Variants in CAPN13 observed in about 807,000 individuals in gnomAD.
The protein encoded by CAPN13 is calpain-13.
A neutral mutation model predicts 98.4 loss-of-function variants in CAPN13; 90 were observed. The ratio of observed to expected loss-of-function variants is 0.92; its 90% CI spans 0.77 to 1.09. The LOEUF is 1.09. Ranked by LOEUF, CAPN13 falls within the 50% of genes least tolerant of loss-of-function variation. The pLI is 0.00. For missense variants in CAPN13, 887 were observed against 841.3 expected, an observed-to-expected ratio of 1.05 and a Z score of -0.67; for synonymous variants, 330 against 305.5, an observed-to-expected ratio of 1.08 and a Z score of -0.84.
intron 1 of CAPN13, among the ~76,000 whole-genome samples, chr2:30,805,097 T>C (rs1675533638): frequency 1.3e-5 from 2 of 152,094 alleles, no homozygotes; most frequent in African/African-American, 2.4e-5. Context: ...AGCAATTAGA[T>C]CTAGTTTTCC....
At chr2:30,727,568 T>G (rs1470578446) in intron 22 of CAPN13, among the ~76,000 whole-genome samples, 1 of 152,116 alleles carries the variant, frequency 6.6e-6, no homozygotes, top group African/African-American at 2.4e-5. Flanking sequence ...ATGCTCAAAA[T>G]CATTAGTCAT....
At chr2:30,743,149 G>T in intron 13 of CAPN13, 1 of 554,244 alleles carries the variant, frequency 1.8e-6, no homozygotes, top group South Asian at 2.3e-5. Flanking sequence ...GTCCTCCCGT[G>T]CCACTTTGCA....
chr2:30,800,814 G>C (rs75223989), intron 1 of CAPN13, among the ~76,000 whole-genome samples: 11 of 152,112 alleles, frequency 7.2e-5, no homozygotes, highest in African/African-American at 2.4e-4. Context: ...CATTTGATAG[G>C]TGTCATTCAA....
At chr2:30,753,307 G>T in intron 9 of CAPN13, 109 bp from the exon 10 acceptor site, 1 of 1,125,748 alleles carries the variant, frequency 8.9e-7, no homozygotes, top group East Asian at 2.4e-5. Context: ...GCCAGTGTCT[G>T]ATCCTGGCTC....
In CAPN13 at chr2:30,803,283, G is replaced by A. The variant is rs151114381; in HGVS notation, c.-33+4019C>T. On this transcript the variant is annotated intron_variant, in intron 1 of 22. Transcript: ENST00000295055. ...CTTTGAGAACCAGTGGTCTCTAGTG[G>A]GCCACTGGGTGCATCTCCCGAAGGC... is the stretch of plus-strand genomic sequence containing the variant. Among the ~76,000 whole-genome samples, 4 of 152,292 alleles carry A rather than the reference G, an allele frequency of 2.6e-5. No individual in the cohort carries two copies. In the East Asian group the frequency reaches 7.7e-4, roughly 29 times the overall value.
At position 30,777,639 on chromosome 2, in the gene CAPN13, C is replaced by T; in HGVS notation, c.199G>A (p.Asp67Asn). The change falls in exon 3 of 23, where the codon GAT (aspartate) becomes AAT (asparagine). Residue 67 changes from aspartate to asparagine, a missense_variant and splice_region_variant. Coordinates refer to ENST00000295055, the MANE Select transcript of CAPN13 (RefSeq NM_144575.3). ...LSNVIWKRPQDLPGGPPHFIL... is the reference protein window; with the variant it reads ...LSNVIWKRPQNLPGGPPHFIL... ...AAGTGAGGAGGACCCCCTGGTAGAT[C>T]CTTTAGGAAAGAGGGAGAAAAGCTA... 6.4e-7 allele frequency: 1 copy of T among 1,569,460 alleles called. No homozygotes were observed. Among genetic ancestry groups the T allele is most frequent in the Non-Finnish European group, 8.7e-7 (1 of 1,155,274 alleles).
intron 18 of CAPN13, 142 bp downstream of exon 18, chr2:30,736,361 C>T: frequency 1.3e-6 from 1 of 778,138 alleles, no homozygotes; most frequent in East Asian, 2.7e-5. Flanking sequence ...TCTCCCCAAA[C>T]AACATGTGAG....
intron 7 of CAPN13, among the ~76,000 whole-genome samples, chr2:30,758,817 C>CT (rs1558314787): frequency 1.1e-5 from 1 of 90,930 alleles, no homozygotes; most frequent in African/African-American, 5.1e-5. Context: ...CCTTCCCTTC[C>CT]TCCCTTCCTT....
chr2:30,733,001 C>A (rs1470595672), intron 19 of CAPN13, among the ~76,000 whole-genome samples: 1 of 152,314 alleles, frequency 6.6e-6, no homozygotes, highest in Non-Finnish European at 1.5e-5. Context: ...GAAGGAGATG[C>A]AGTCCTAAGT....
chr2:30,783,581 A>G (rs1358490652), intron 2 of CAPN13, among the ~76,000 whole-genome samples: 1 of 152,030 alleles, frequency 6.6e-6, no homozygotes, highest in African/African-American at 2.4e-5. Flanking sequence ...ATGACACAAA[A>G]CTTTTCTGCA....
At chr2:30,750,975 GCCTCTTTGGGCTTTAT>G (rs1672145791) in intron 11 of CAPN13, 112 bp downstream of exon 11, 1 of 1,041,716 alleles carries the variant, frequency 9.6e-7, no homozygotes, top group Non-Finnish European at 1.4e-6. Flanking sequence ...GAATGCTACA[GCCTCTTTGGGCTTTAT>G]CTCCAAGGCT....
intron 22 of CAPN13, among the ~76,000 whole-genome samples, chr2:30,725,605 C>T (rs1215083142): frequency 6.6e-6 from 1 of 152,174 alleles, no homozygotes; most frequent in Non-Finnish European, 1.5e-5. Flanking sequence ...TAACTCAGGA[C>T]AAAGACTTTG....
intron 7 of CAPN13, among the ~76,000 whole-genome samples, chr2:30,762,523 C>G (rs1672899268): frequency 6.6e-6 from 1 of 152,118 alleles, no homozygotes; most frequent in Non-Finnish European, 1.5e-5. Flanking sequence ...GTATGAGTGT[C>G]TCCTGGCCTC....
intron 5 of CAPN13, among the ~76,000 whole-genome samples, chr2:30,770,093 G>C (rs1260722277): frequency 6.6e-6 from 1 of 152,142 alleles, no homozygotes; most frequent in Non-Finnish European, 1.5e-5. Context: ...ATCATTGTCA[G>C]TGCATATCTC....
Position 30,787,613 on chromosome 2 carries a change from T to C in CAPN13, c.-32-256A>G, listed in dbSNP as rs191397449. 3.8e-4 allele frequency among the ~76,000 whole-genome samples: 58 copies of C among 152,328 alleles called. 1 individual carries two copies. The highest frequency in any genetic ancestry group is 1.4e-3 in the African/African-American group (57 of 41,576). ...TGCACAAGAGGCTATGGGGTACTAGTACATCTCATGAACATTTATTGAGCA... is the reference window on the plus strand; with the variant it reads ...TGCACAAGAGGCTATGGGGTACTAGCACATCTCATGAACATTTATTGAGCA... On this transcript the variant is annotated intron_variant, in intron 1 of 22. Coordinates refer to ENST00000295055, the MANE Select transcript of CAPN13 (RefSeq NM_144575.3).
rs779311680 is a variant in CAPN13, at chr2:30,753,701, T to C, written c.942-503A>G. Among the ~76,000 whole-genome samples the C allele has an allele frequency of 6.6e-5, 10 of 152,348 alleles. No homozygotes were observed. In the Middle Eastern group the frequency reaches 0.017, roughly 259 times the overall value. On this transcript the variant is annotated intron_variant, in intron 9 of 22. Coordinates refer to ENST00000295055, the MANE Select transcript of CAPN13 (RefSeq NM_144575.3). The stretch of plus-strand genomic sequence containing the variant: ...TATTTGTCCCTCTGATTCTTAATTA[T>C]TTAGATCCATGCTCCTTTCCACACA...
chr2:30,751,123 G>A lies in CAPN13; in HGVS notation c.1216C>T (p.Leu406Phe). 1.2e-6 allele frequency: 2 copies of A among 1,613,782 alleles called. No individual in the cohort carries two copies. The highest frequency in any genetic ancestry group is 1.7e-6 in the Non-Finnish European group (2 of 1,179,792). The change falls in exon 11 of 23, where the codon CTC (leucine) becomes TTC (phenylalanine). Residue 406 changes from leucine (L) to phenylalanine (F), a missense_variant. Transcript: ENST00000295055. ...CTTACCAGAATCACTTGGAAATCGA[G>A]TGGAAATTTTGCATCTTCTGCTTTC... ...NLKAEDAKFP[L>F]DFQVILAGSQ...
chr2:30,734,337 G>C (rs1490822570), intron 19 of CAPN13, 112 bp downstream of exon 19: 5 of 786,376 alleles, frequency 6.4e-6, no homozygotes, highest in Non-Finnish European at 2.2e-6. Context: ...GAGCTGCAGC[G>C]CTCCTCTCTC....
At chr2:30,754,445 C>T (rs1558310552) in intron 8 of CAPN13, 81 bp from the exon 9 acceptor site, 2 of 1,150,928 alleles carry the variant, frequency 1.7e-6, no homozygotes, top group Non-Finnish European at 2.4e-6. Context: ...CAGGGACCCT[C>T]TGTACATGTC....
Sources: gnomAD v4.1 joint callset for allele counts (sites outside exome capture counted in the v4.1 genomes callset) on GRCh38, gnomAD v4.1.1 for gene constraint, MANE v1.5 for transcripts, NCBI Gene and HGNC (gene_info 2026-07-23, HGNC 2026-07-21) for gene names.